KIAA1217: variants seen among roughly 807,000 people sequenced by gnomAD.
KIAA1217 encodes the protein sickle tail protein homolog.
Under a neutral mutation model 163.9 loss-of-function variants are expected in KIAA1217, and 88 were observed. The ratio of observed to expected loss-of-function variants is 0.54; its 90% confidence interval spans 0.45 to 0.64. The LOEUF is 0.64. Ranked by LOEUF, KIAA1217 falls within the 30% of genes least tolerant of loss-of-function variation. The pLI, the probability that KIAA1217 is intolerant of heterozygous loss-of-function variation, is 0.00. For synonymous variants in KIAA1217, 903 were observed against 923.1 expected, an observed-to-expected ratio of 0.98 and a Z score of 0.39; for missense variants, 2,372 against 2,475.0, an observed-to-expected ratio of 0.96 and a Z score of 0.88.
At chr10:24,404,940 A>G (rs1015084294) in intron 3 of KIAA1217, among the ~76,000 whole-genome samples, 28 of 152,316 alleles carry the variant, frequency 1.8e-4, no homozygotes, top group Middle Eastern at 3.4e-3. Flanking sequence ...AATTATAGAG[A>G]TGCAGAACGG....
chr10:23,751,153 G>A (rs1207123877), intron 1 of KIAA1217, among the ~76,000 whole-genome samples: 1 of 151,898 alleles, frequency 6.6e-6, no homozygotes, highest in East Asian at 1.9e-4. Context: ...TCAGCCTCCC[G>A]AGTAGCTGAG....
At chr10:23,901,758 A>G (rs538935169) in intron 1 of KIAA1217, among the ~76,000 whole-genome samples, 1 of 151,926 alleles carries the variant, frequency 6.6e-6, no homozygotes, top group South Asian at 2.1e-4. Flanking sequence ...AATACAAAAG[A>G]AAATTAGTGT....
chr10:23,735,746 CT>C (rs1329529437), intron 1 of KIAA1217, among the ~76,000 whole-genome samples: 1 of 152,008 alleles, frequency 6.6e-6, no homozygotes, highest in Non-Finnish European at 1.5e-5. Flanking sequence ...TATCTTTTCA[CT>C]TTCTTTGTGA....
At chr10:24,018,930 C>A (rs1344657220) in intron 2 of KIAA1217, among the ~76,000 whole-genome samples, 1 of 152,034 alleles carries the variant, frequency 6.6e-6, no homozygotes, top group Non-Finnish European at 1.5e-5. Context: ...GGCATTATGG[C>A]AAGTGAAATA....
chr10:24,047,285 G>C (rs1041515452), intron 2 of KIAA1217, among the ~76,000 whole-genome samples: 2 of 152,088 alleles, frequency 1.3e-5, no homozygotes, highest in Non-Finnish European at 2.9e-5. Flanking sequence ...ATGACCTGGT[G>C]GTCCTAGTAC....
At chr10:24,259,104 T>G (rs1055956634) in intron 2 of KIAA1217, among the ~76,000 whole-genome samples, 2 of 152,034 alleles carry the variant, frequency 1.3e-5, no homozygotes, top group Non-Finnish European at 2.9e-5. Context: ...AAATCAGCAT[T>G]GAGGGCCTCA....
Position 23,878,140 on chromosome 10 carries a change from G to A in KIAA1217, c.-320-129085G>A, listed in dbSNP as rs1329916886. On this transcript the variant is annotated intron_variant, in intron 1 of 18. Coordinates refer to the KIAA1217 transcript ENST00000376462. ...ATGAGACAGTTTGGCTGTGAGCAGT[G>A]CGAGACGTTGAGTTAGATCATGGCA... Among the ~76,000 whole-genome samples the A allele has an allele frequency of 2.6e-5, 4 of 152,032 alleles. No homozygotes were observed. The East Asian group carries it at 7.8e-4, about 30-fold the overall frequency.
intron 2 of KIAA1217, among the ~76,000 whole-genome samples, chr10:24,361,230 G>A (rs527419110): frequency 2.6e-5 from 4 of 151,736 alleles, no homozygotes; most frequent in South Asian, 2.1e-4. Context: ...CTGTCACCCC[G>A]GGCTGGAGTG....
rs1199519102 is a variant in KIAA1217, at chr10:23,800,212, A to T, written c.-321+104978A>T. Among the ~76,000 whole-genome samples the T allele has an allele frequency of 2.6e-5, 4 of 152,322 alleles. No individual in the cohort carries two copies. The South Asian group carries it at 8.3e-4, about 32-fold the overall frequency. On this transcript the variant is annotated intron_variant, in intron 1 of 18. Coordinates refer to the KIAA1217 transcript ENST00000376462. Reference sequence around the variant, plus strand: ...GAAATAAGACACTAATCCATACTGTATGAATTTGTTTCTCTGTTTATGTAT... The same window carrying T: ...GAAATAAGACACTAATCCATACTGTTTGAATTTGTTTCTCTGTTTATGTAT...
At chr10:23,704,061 CTA>C (rs142999139) in intron 1 of KIAA1217, among the ~76,000 whole-genome samples, 5 of 144,036 alleles carry the variant, frequency 3.5e-5, no homozygotes, top group Non-Finnish European at 4.5e-5. Flanking sequence ...ATACAATATA[CTA>C]TATATATATA....
intron 1 of KIAA1217, among the ~76,000 whole-genome samples, chr10:23,970,950 G>A (rs571254417): frequency 1.3e-5 from 2 of 152,338 alleles, no homozygotes; most frequent in African/African-American, 4.8e-5. Context: ...TACAGAAGGA[G>A]TGAAAGTTTA....
chr10:23,746,727 T>C (rs1240778479), intron 1 of KIAA1217, among the ~76,000 whole-genome samples: 1 of 152,072 alleles, frequency 6.6e-6, no homozygotes, highest in Non-Finnish European at 1.5e-5. Context: ...CTGGCAGATA[T>C]TCTTTTATAG....
intron 2 of KIAA1217, among the ~76,000 whole-genome samples, chr10:24,076,928 G>A (rs181054390): frequency 8.5e-4 from 122 of 144,240 alleles, no homozygotes; most frequent in African/African-American, 3.1e-3. Flanking sequence ...CCAGGCTAGT[G>A]TGCGACAGTG....
intron 1 of KIAA1217, among the ~76,000 whole-genome samples, chr10:23,741,972 A>G (rs1258951791): frequency 1.3e-5 from 2 of 152,162 alleles, no homozygotes; most frequent in African/African-American, 4.8e-5. Flanking sequence ...TGAGTGATGT[A>G]GTTTGATTTA....
At chr10:23,783,015 C>T in intron 1 of KIAA1217, among the ~76,000 whole-genome samples, 1 of 152,060 alleles carries the variant, frequency 6.6e-6, no homozygotes, top group Admixed American at 6.6e-5. Context: ...TTTTCTATAC[C>T]TAAATTGTTT....
intron 3 of KIAA1217, among the ~76,000 whole-genome samples, chr10:24,391,182 GAGA>G (rs2054877739): frequency 1.3e-5 from 2 of 152,216 alleles, no homozygotes; most frequent in South Asian, 4.1e-4. Flanking sequence ...CTGAAGTGAG[GAGA>G]AGATGTGATG....
At chr10:24,110,177 G>A (rs1246468713) in intron 2 of KIAA1217, among the ~76,000 whole-genome samples, 2 of 152,124 alleles carry the variant, frequency 1.3e-5, no homozygotes, top group Non-Finnish European at 2.9e-5. Flanking sequence ...TTCCATGTTG[G>A]TAAATTAGTT....
At chr10:24,114,459 C>T (rs927219571) in intron 2 of KIAA1217, among the ~76,000 whole-genome samples, 2 of 152,188 alleles carry the variant, frequency 1.3e-5, no homozygotes, top group African/African-American at 4.8e-5. Context: ...TTACAGACCC[C>T]CCCTGTTGCA....
At chr10:24,209,342 C>T in intron 1 of KIAA1217, 79 bp downstream of exon 1, 1 of 1,022,368 alleles carries the variant, frequency 9.8e-7, no homozygotes, top group Non-Finnish European at 1.5e-6. Flanking sequence ...TAAACTGCAG[C>T]TCTGGGACCC....
Sources: gnomAD v4.1 joint callset for allele counts (sites outside exome capture counted in the v4.1 genomes callset) on GRCh38, gnomAD v4.1.1 for gene constraint, MANE v1.5 for transcripts, NCBI Gene and HGNC (gene_info 2026-07-23, HGNC 2026-07-21) for gene names.